The following ABTB3 variants were observed in gnomAD, a reference collection of about 807,000 sequenced individuals.
ABTB3 encodes the protein ankyrin repeat and BTB domain containing 3, also known as ankyrin repeat- and BTB/POZ domain-containing protein 3.
At chr12:107,615,091 G>C in the ABTB3 span, 1 of 1,613,652 alleles carries the variant, frequency 6.2e-7, no homozygotes, top group Admixed American at 1.7e-5. Context: ...ATATCCATCC[G>C]TCCACCCCGA....
At chr12:107,535,942 C>CA in the ABTB3 span, among the ~76,000 whole-genome samples, 22 of 151,858 alleles carry the variant, frequency 1.4e-4, no homozygotes, top group African/African-American at 5.3e-4. Context: ...CCTAAATAGC[C>CA]AAAACAATCC....
the ABTB3 span, chr12:107,612,973 C>A: frequency 1.0e-6 from 1 of 1,000,442 alleles, no homozygotes; most frequent in South Asian, 1.4e-5. Context: ...TGAGGGTGCA[C>A]AGTGCAACAG....
the ABTB3 span, among the ~76,000 whole-genome samples, chr12:107,584,168 G>C: frequency 6.6e-6 from 1 of 152,200 alleles, no homozygotes; most frequent in East Asian, 1.9e-4. Flanking sequence ...ACATGAAGTA[G>C]GAATTACTGT....
At chr12:107,401,420 T>A in the ABTB3 span, among the ~76,000 whole-genome samples, 1 of 152,160 alleles carries the variant, frequency 6.6e-6, no homozygotes, top group African/African-American at 2.4e-5. Flanking sequence ...AATGGACACC[T>A]CTCCAGTCAC....
the ABTB3 span, among the ~76,000 whole-genome samples, chr12:107,639,038 G>A: frequency 6.6e-6 from 1 of 152,200 alleles, no homozygotes; most frequent in Admixed American, 6.5e-5. Context: ...GGGGAATCTG[G>A]CAAGGCTTAC....
At chr12:107,329,949 G>A in the ABTB3 span, among the ~76,000 whole-genome samples, 1 of 152,154 alleles carries the variant, frequency 6.6e-6, no homozygotes. Context: ...AGACATACAG[G>A]CTATTAGAGT....
At chr12:107,558,557 T>A in the ABTB3 span, among the ~76,000 whole-genome samples, 1 of 152,146 alleles carries the variant, frequency 6.6e-6, no homozygotes, top group Non-Finnish European at 1.5e-5. Flanking sequence ...AAGGTTTGGA[T>A]TGGGGAGAAG....
chr12:107,405,810 G>T, the ABTB3 span, among the ~76,000 whole-genome samples: 1 of 152,210 alleles, frequency 6.6e-6, no homozygotes, highest in African/African-American at 2.4e-5. Flanking sequence ...CCCATCGTCT[G>T]CATGAAAGAG....
chr12:107,637,834 G>A, the ABTB3 span, among the ~76,000 whole-genome samples: 1 of 143,242 alleles, frequency 7.0e-6, no homozygotes, highest in South Asian at 2.2e-4. Context: ...GTGTGTGTGT[G>A]GTATGGTGTC....
the ABTB3 span, among the ~76,000 whole-genome samples, chr12:107,354,768 A>T: frequency 6.6e-6 from 1 of 152,050 alleles, no homozygotes; most frequent in Non-Finnish European, 1.5e-5. Flanking sequence ...ACTTGTTATT[A>T]TCTGTATTTT....
the ABTB3 span, among the ~76,000 whole-genome samples, chr12:107,606,581 G>T: frequency 6.6e-6 from 1 of 152,080 alleles, no homozygotes; most frequent in Non-Finnish European, 1.5e-5. Flanking sequence ...TATTTTTCAT[G>T]CAAAAATGCA....
At chr12:107,346,048 T>G in the ABTB3 span, among the ~76,000 whole-genome samples, 1 of 152,180 alleles carries the variant, frequency 6.6e-6, no homozygotes. Context: ...TCTTTGTCAT[T>G]AAGTAGCACA....
the ABTB3 span, among the ~76,000 whole-genome samples, chr12:107,621,227 A>AGATTTGTGCTT: frequency 6.6e-6 from 1 of 152,278 alleles, no homozygotes; most frequent in East Asian, 1.9e-4. Flanking sequence ...CCTGCAGGCT[A>AGATTTGTGCTT]GATTTGTGCT....
chr12:107,489,456 G>A, the ABTB3 span, among the ~76,000 whole-genome samples: 1 of 152,162 alleles, frequency 6.6e-6, no homozygotes, highest in Non-Finnish European at 1.5e-5. Flanking sequence ...GGAGGCAGAG[G>A]TTGCAGTGAG....
At chr12:107,482,997 CTTCCTTCCTTCT>C in the ABTB3 span, among the ~76,000 whole-genome samples, 3 of 82,482 alleles carry the variant, frequency 3.6e-5, no homozygotes, top group Non-Finnish European at 6.4e-5. Flanking sequence ...TCCTTCCTTC[CTTCCTTCCTTCT>C]TTCCTTCTTT....
the ABTB3 span, among the ~76,000 whole-genome samples, chr12:107,632,229 C>T: frequency 6.6e-6 from 1 of 152,128 alleles, no homozygotes. Context: ...CCACCGCTGT[C>T]CGCCAAAAAA....
the ABTB3 span, among the ~76,000 whole-genome samples, chr12:107,332,576 G>T: frequency 6.6e-5 from 10 of 152,274 alleles, no homozygotes; most frequent in African/African-American, 2.4e-4. Flanking sequence ...AATCATGGAA[G>T]ATGACTGAGG....
At chr12:107,449,332 T>G in the ABTB3 span, among the ~76,000 whole-genome samples, 1 of 152,228 alleles carries the variant, frequency 6.6e-6, no homozygotes, top group Non-Finnish European at 1.5e-5. Context: ...CCTCCCAGCA[T>G]CTAAACTGGC....
chr12:107,515,718 G>A, the ABTB3 span, among the ~76,000 whole-genome samples: 1 of 152,156 alleles, frequency 6.6e-6, no homozygotes. Context: ...CAAGGGAGAG[G>A]CAGGAGGCTG....
Sources: gnomAD v4.1 joint callset for allele counts (sites outside exome capture counted in the v4.1 genomes callset) on GRCh38, gnomAD v4.1.1 for gene constraint, MANE v1.5 for transcripts, NCBI Gene and HGNC (gene_info 2026-07-23, HGNC 2026-07-21) for gene names.